Variants in UBE2E2 observed in about 807,000 individuals in gnomAD.
UBE2E2 encodes ubiquitin-conjugating enzyme E2 E2.
UBE2E2 carries 6 observed loss-of-function variants against 24.7 expected under a neutral mutation model. The ratio of observed to expected loss-of-function variants is 0.24; its 90% CI spans 0.13 to 0.48. The LOEUF (loss-of-function observed/expected upper bound fraction) is 0.48, where lower values mean the gene tolerates loss of function less well. Among genes scored for constraint, UBE2E2 ranks in the 20% least tolerant of loss-of-function variants. The probability of loss-of-function intolerance (pLI) is 0.99; values close to 1 mark genes in which losing one functional copy is unlikely to be tolerated. For missense variants in UBE2E2, 169 were observed against 245.0 expected, an observed-to-expected ratio of 0.69 and a Z score of 2.07; for synonymous variants, 104 against 83.6, an observed-to-expected ratio of 1.24 and a Z score of -1.33.
intron 5 of UBE2E2, among the ~76,000 whole-genome samples, chr3:23,547,042 A>G (rs1323610027): frequency 6.6e-6 from 1 of 152,144 alleles, no homozygotes; most frequent in Non-Finnish European, 1.5e-5. Context: ...TTTTATTGCA[A>G]ATTGACTCTT....
At chr3:23,576,873 A>G (rs1473932116) in intron 5 of UBE2E2, among the ~76,000 whole-genome samples, 2 of 151,994 alleles carry the variant, frequency 1.3e-5, no homozygotes, top group Non-Finnish European at 2.9e-5. Context: ...CAGTACTGGC[A>G]CACCTCGTTT....
At position 23,342,698 on chromosome 3, in the gene UBE2E2, G is replaced by A. The variant is rs1223176827; in HGVS notation, c.227+125386G>A. On this transcript the variant is annotated intron_variant, in intron 3 of 5. Coordinates refer to ENST00000396703, the MANE Select transcript of UBE2E2 (RefSeq NM_152653.4). ...TTCCTGACACCAAGAATACATACAT[G>A]TATATTTTCTTGGAAATACTATGGA... is the stretch of plus-strand genomic sequence containing the variant. 3.9e-5 allele frequency among the ~76,000 whole-genome samples: 6 copies of A among 152,178 alleles called. No homozygotes were observed. The East Asian group carries it at 1.2e-3, about 29-fold the overall frequency.
intron 3 of UBE2E2, among the ~76,000 whole-genome samples, chr3:23,258,464 A>T (rs1697798504): frequency 6.6e-6 from 1 of 152,222 alleles, no homozygotes; most frequent in African/African-American, 2.4e-5. Context: ...CTGCTTTTGA[A>T]TGCATTGATT....
chr3:23,344,867 C>A (rs866960151), intron 3 of UBE2E2, among the ~76,000 whole-genome samples: 3 of 150,918 alleles, frequency 2.0e-5, no homozygotes, highest in Non-Finnish European at 4.4e-5. Flanking sequence ...CATAAGTGAT[C>A]ATTAAATGTT....
intron 5 of UBE2E2, among the ~76,000 whole-genome samples, chr3:23,535,896 C>T (rs1575692010): frequency 1.3e-5 from 2 of 152,302 alleles, no homozygotes; most frequent in South Asian, 4.1e-4. Context: ...GCTGGGATGA[C>T]AGGCGTGAGC....
intron 3 of UBE2E2, among the ~76,000 whole-genome samples, chr3:23,396,383 A>G (rs898777287): frequency 6.7e-6 from 1 of 148,916 alleles, no homozygotes; most frequent in Non-Finnish European, 1.5e-5. Context: ...AAAATTATAT[A>G]TGTATGTATA....
At chr3:23,322,712 A>G (rs752131555) in intron 3 of UBE2E2, among the ~76,000 whole-genome samples, 1 of 152,076 alleles carries the variant, frequency 6.6e-6, no homozygotes, top group African/African-American at 2.4e-5. Flanking sequence ...TTACATATAT[A>G]ACTCTAAAGG....
At chr3:23,549,341 C>T (rs1695591024) in intron 5 of UBE2E2, among the ~76,000 whole-genome samples, 1 of 152,156 alleles carries the variant, frequency 6.6e-6, no homozygotes. Context: ...AGTGACATGC[C>T]CTTGCATGCA....
chr3:23,453,258 A>G (rs1339720287), intron 3 of UBE2E2, among the ~76,000 whole-genome samples: 1 of 152,178 alleles, frequency 6.6e-6, no homozygotes, highest in Non-Finnish European at 1.5e-5. Flanking sequence ...TATTTAAAAT[A>G]TTGAATTTTT....
intron 4 of UBE2E2, among the ~76,000 whole-genome samples, chr3:23,513,703 C>G (rs1255684337): frequency 6.6e-6 from 1 of 152,152 alleles, no homozygotes; most frequent in East Asian, 1.9e-4. Flanking sequence ...TTTCCTACAT[C>G]CTTATCAGTG....
intron 3 of UBE2E2, among the ~76,000 whole-genome samples, chr3:23,355,375 T>G (rs1451347226): frequency 6.6e-6 from 1 of 152,038 alleles, no homozygotes; most frequent in East Asian, 1.9e-4. Context: ...TAAAGTATAA[T>G]AATAATGAAA....
chr3:23,472,590 A>G (rs1699052254), intron 3 of UBE2E2, among the ~76,000 whole-genome samples: 3 of 151,826 alleles, frequency 2.0e-5, no homozygotes, highest in Admixed American at 6.6e-5. Flanking sequence ...TCATCACCTC[A>G]TTACAATTTT....
intron 5 of UBE2E2, among the ~76,000 whole-genome samples, chr3:23,565,927 G>A (rs1045675983): frequency 1.3e-5 from 2 of 152,152 alleles, no homozygotes; most frequent in African/African-American, 4.8e-5. Flanking sequence ...GGGAAGACCA[G>A]AATGACAATG....
chr3:23,568,862 G>A (rs1387743195), intron 5 of UBE2E2, among the ~76,000 whole-genome samples: 1 of 151,678 alleles, frequency 6.6e-6, no homozygotes, highest in South Asian at 2.1e-4. Flanking sequence ...GTGAGGAAGT[G>A]GAGAATTAGA....
intron 3 of UBE2E2, among the ~76,000 whole-genome samples, chr3:23,370,383 G>C (rs1243092480): frequency 6.6e-6 from 1 of 152,142 alleles, no homozygotes; most frequent in Admixed American, 6.5e-5. Flanking sequence ...TGTTGAAATT[G>C]ATTAACTAGA....
intron 3 of UBE2E2, among the ~76,000 whole-genome samples, chr3:23,477,787 A>G (rs1223592720): frequency 6.6e-6 from 1 of 152,254 alleles, no homozygotes; most frequent in Non-Finnish European, 1.5e-5. Flanking sequence ...TGTAACCGCC[A>G]TAATCGACAC....
At chr3:23,350,486 GA>G (rs965644469) in intron 3 of UBE2E2, among the ~76,000 whole-genome samples, 5 of 152,048 alleles carry the variant, frequency 3.3e-5, no homozygotes, top group Non-Finnish European at 5.9e-5. Context: ...AAAAAACTTT[GA>G]AAAAAATTTA....
At chr3:23,534,717 G>A (rs958068005) in intron 5 of UBE2E2, among the ~76,000 whole-genome samples, 2 of 152,070 alleles carry the variant, frequency 1.3e-5, no homozygotes, top group Non-Finnish European at 2.9e-5. Flanking sequence ...TTCAATCTCT[G>A]TAGGTTTTTT....
At chr3:23,276,773 G>T (rs1698383083) in intron 3 of UBE2E2, among the ~76,000 whole-genome samples, 1 of 152,008 alleles carries the variant, frequency 6.6e-6, no homozygotes, top group Non-Finnish European at 1.5e-5. Context: ...TATATTGTGA[G>T]CATTTGTACT....
Sources: gnomAD v4.1 joint callset for allele counts (sites outside exome capture counted in the v4.1 genomes callset) on GRCh38, gnomAD v4.1.1 for gene constraint, MANE v1.5 for transcripts, NCBI Gene and HGNC (gene_info 2026-07-23, HGNC 2026-07-21) for gene names.